The following PCDHA3 variants were observed in gnomAD, a reference collection of about 807,000 sequenced individuals.
PCDHA3 encodes protocadherin alpha-3.
In PCDHA3, 41 loss-of-function variants were observed where a neutral mutation model predicts 62.2. That is an observed-to-expected ratio of 0.66 (90% CI 0.51 to 0.86). PCDHA3 has a LOEUF of 0.86. Among genes scored for constraint, PCDHA3 ranks in the 40% least tolerant of loss-of-function variants. The pLI, the probability that PCDHA3 is intolerant of heterozygous loss-of-function variation, is 0.00. For synonymous variants in PCDHA3, 640 were observed against 555.4 expected (o/e 1.15, Z -2.14); for missense variants, 1,304 against 1,241.2 (o/e 1.05, Z -0.76).
chr5:140,968,587 C>T (rs1554230892), intron 1 of PCDHA3: 8 of 1,614,196 alleles, frequency 5.0e-6, no homozygotes, highest in Non-Finnish European at 6.8e-6. Context: ...TCACCAAAGT[C>T]ATAGCTATGG....
At chr5:140,807,746 G>A (rs782266398) in intron 1 of PCDHA3, 2 of 1,614,154 alleles carry the variant, frequency 1.2e-6, no homozygotes, top group Non-Finnish European at 1.7e-6. Flanking sequence ...ACCTGATGAC[G>A]AGCTGGTAAA....
chr5:140,831,837 T>C (rs1771726817), intron 1 of PCDHA3, among the ~76,000 whole-genome samples: 1 of 152,194 alleles, frequency 6.6e-6, no homozygotes, highest in Non-Finnish European at 1.5e-5. Flanking sequence ...GTTTCAATGA[T>C]AGAATTGTCA....
intron 1 of PCDHA3, among the ~76,000 whole-genome samples, chr5:140,977,966 G>A (rs562447024): frequency 3.9e-5 from 6 of 152,004 alleles, no homozygotes; most frequent in South Asian, 4.2e-4. Context: ...CTCAATCTCC[G>A]CCCATGAAAA....
chr5:141,000,379 CTCTCTCTCTCTCTCTCTA>C (rs1224441934), intron 3 of PCDHA3, among the ~76,000 whole-genome samples: 4 of 60,364 alleles, frequency 6.6e-5, no homozygotes, highest in Non-Finnish European at 9.2e-5. Flanking sequence ...CTCTCTCTCT[CTCTCTCTCTCTCTCTCTA>C]TATATATATA....
chr5:140,842,355 A>G lies in PCDHA3; in HGVS notation c.2394+38764A>G, dbSNP rs2150334539. ...TTAGTGAGAATTTTGGATAAAAATG[A>G]TAACGTCCCTGAGATAGCACTGACT... On this transcript the variant is annotated intron_variant, in intron 1 of 3. Transcript: ENST00000522353. The G allele has an allele frequency of 9.3e-6, 15 of 1,607,494 alleles. 1 individual carries two copies. In the East Asian group the frequency reaches 3.1e-4, roughly 33 times the overall value.
intron 1 of PCDHA3, chr5:140,848,930 C>G: frequency 1.2e-6 from 2 of 1,607,642 alleles, no homozygotes; most frequent in Non-Finnish European, 1.7e-6. Flanking sequence ...TCGCGGAATC[C>G]AGGCCGCTTG....
intron 2 of PCDHA3, 80 bp downstream of exon 2, chr5:140,979,087 A>C (rs1284249394): frequency 6.4e-7 from 1 of 1,561,170 alleles, no homozygotes; most frequent in Non-Finnish European, 8.7e-7. Flanking sequence ...CATAGGCCAG[A>C]AGCAGCTGTC....
At chr5:140,825,416 A>C (rs1275589572) in intron 1 of PCDHA3, 1 of 147,362 alleles carries the variant, frequency 6.8e-6, no homozygotes. Flanking sequence ...ATTTTATATA[A>C]TATATATAAT....
rs2150133814 is a variant in PCDHA3 at position 140,824,269 on chromosome 5, A to G, written c.2394+20678A>G. 4 of 1,222,710 alleles carry G rather than the reference A, an allele frequency of 3.3e-6. No homozygotes were observed. The South Asian group carries it at 5.6e-5, about 17-fold the overall frequency. The allele number at this position is 1,222,710 out of a possible 1,614,324, so 75.7% of individuals were successfully genotyped here. On this transcript the variant is annotated intron_variant, in intron 1 of 3. Coordinates refer to ENST00000522353, the MANE Select transcript of PCDHA3 (RefSeq NM_018906.3). ...ACACAATTATTGCACTAATTCATGT[A>G]TTATATGCTTTTTATGAGGCTTTTC...
At chr5:140,817,974 C>T (rs1766249116) in intron 1 of PCDHA3, among the ~76,000 whole-genome samples, 2 of 152,138 alleles carry the variant, frequency 1.3e-5, no homozygotes, top group African/African-American at 4.8e-5. Flanking sequence ...TTTTTTCTGT[C>T]TAGCTACTTT....
At chr5:140,860,134 T>C (rs1179708512) in intron 1 of PCDHA3, 1 of 150,772 alleles carries the variant, frequency 6.6e-6, no homozygotes, top group African/African-American at 2.4e-5. Flanking sequence ...TGTGTGTGTG[T>C]ATATATATGT....
At chr5:140,981,001 C>A (rs2096914160) in intron 2 of PCDHA3, among the ~76,000 whole-genome samples, 1 of 151,906 alleles carries the variant, frequency 6.6e-6, no homozygotes, top group Non-Finnish European at 1.5e-5. Flanking sequence ...CTAGTAGGAT[C>A]CAGGAACACT....
Position 140,803,149 on chromosome 5 carries a change from T to A in PCDHA3, c.1952T>A (p.Val651Glu). 1.2e-6 allele frequency: 2 copies of A among 1,613,856 alleles called. No homozygotes were observed. Among genetic ancestry groups the A allele is most frequent in the Non-Finnish European group, 1.7e-6 (2 of 1,179,930 alleles). ...DAPRHRLLVLVKDHGEPSLTA... is the reference protein window; with the variant it reads ...DAPRHRLLVLEKDHGEPSLTA... Reference sequence around the variant, plus strand: ...CCGCGCCATCGCCTACTGGTGCTGGTGAAGGACCACGGTGAACCCTCATTG... The same window carrying A: ...CCGCGCCATCGCCTACTGGTGCTGGAGAAGGACCACGGTGAACCCTCATTG... The change falls in exon 1 of 4, where the codon GTG becomes GAG. Residue 651 changes from valine (V) to glutamate (E), a missense_variant. Physicochemically the swap from Val to Glu is moderately radical, Grantham distance 121. Coordinates refer to ENST00000522353, the MANE Select transcript of PCDHA3 (RefSeq NM_018906.3).
chr5:140,836,333 T>C (rs2150258058), intron 1 of PCDHA3: 3 of 1,613,682 alleles, frequency 1.9e-6, no homozygotes, highest in South Asian at 2.2e-5. Flanking sequence ...TTCTGGTGCT[T>C]GTGAAGGACC....
intron 1 of PCDHA3, among the ~76,000 whole-genome samples, chr5:140,970,706 A>G (rs1266484266): frequency 6.6e-6 from 1 of 152,224 alleles, no homozygotes; most frequent in Non-Finnish European, 1.5e-5. Context: ...CTACTACACA[A>G]TGTGTGAACA....
At chr5:140,809,703 A>G (rs775895532) in intron 1 of PCDHA3, 2 of 1,131,154 alleles carry the variant, frequency 1.8e-6, no homozygotes, top group African/African-American at 1.6e-5. Context: ...CATTTTAACT[A>G]AAGTCTTTTG....
intron 1 of PCDHA3, among the ~76,000 whole-genome samples, chr5:140,873,067 TATC>T (rs2054071448): frequency 1.3e-5 from 2 of 152,218 alleles, no homozygotes; most frequent in Admixed American, 1.3e-4. Flanking sequence ...TTGAGAATCA[TATC>T]TAGCTATTTC....
chr5:140,823,751 C>T (rs1767860558), intron 1 of PCDHA3: 2 of 1,613,712 alleles, frequency 1.2e-6, no homozygotes, highest in South Asian at 1.1e-5. Flanking sequence ...CCCCCGCTGA[C>T]AGCCACAGCC....
chr5:140,876,791 G>A (rs782617794), intron 1 of PCDHA3: 1 of 1,614,242 alleles, frequency 6.2e-7, no homozygotes, highest in Non-Finnish European at 8.5e-7. Context: ...GCCACGGCTA[G>A]AGTGTCCGTG....
Sources: allele counts gnomAD v4.1 joint callset (sites outside exome capture counted in the v4.1 genomes callset), GRCh38; gene constraint gnomAD v4.1.1; transcripts MANE v1.5; gene names NCBI Gene and HGNC (gene_info 2026-07-23, HGNC 2026-07-21).